The following POU2F1 variants were observed in gnomAD, a reference collection of about 807,000 sequenced individuals.
The protein encoded by POU2F1 is POU domain, class 2, transcription factor 1.
POU2F1 carries 16 observed loss-of-function variants against 84.9 expected under a neutral mutation model. The ratio of observed to expected loss-of-function variants is 0.19; its 90% confidence interval spans 0.13 to 0.29. POU2F1 has a LOEUF of 0.29. POU2F1 is among the 10% of genes least tolerant of loss of function. The probability of loss-of-function intolerance (pLI) is 1.00; values close to 1 mark genes in which losing one functional copy is unlikely to be tolerated. For synonymous variants in POU2F1, 368 were observed against 368.3 expected (o/e 1.00, Z 0.01); for missense variants, 738 against 942.6 (o/e 0.78, Z 2.84).
chr1:167,399,358 CT>C lies in POU2F1; in HGVS notation c.1444del (p.Ser482HisfsTer10). On this transcript the variant is annotated frameshift_variant, in exon 12 of 16. Transcript: ENST00000367866. LOFTEE classifies it high-confidence loss of function. ...SPIKAIFPSP[T>X]SLVATTPSLV... ...ATTAAAGCAATTTTCCCCAGCCCAACTTCACTGGTAAGAATAAAAAATAGGG... is the reference window on the plus strand; with the variant it reads ...ATTAAAGCAATTTTCCCCAGCCCAACTCACTGGTAAGAATAAAAAATAGGG... The C allele has an allele frequency of 1.2e-6, 2 of 1,611,656 alleles. No homozygotes were observed. Among genetic ancestry groups the C allele is most frequent in the Non-Finnish European group, 1.7e-6 (2 of 1,178,890 alleles).
intron 1 of POU2F1, among the ~76,000 whole-genome samples, chr1:167,289,329 T>C (rs1014939191): frequency 2.6e-5 from 4 of 152,350 alleles, no homozygotes; most frequent in East Asian, 1.9e-4. Context: ...ACATGACTTA[T>C]AAGGTGCCTG....
rs1169506816 is a variant in POU2F1 at position 167,221,068 on chromosome 1, C to CGGCGGGGAGATGGGGG, written c.61+112_61+127dup. On this transcript the variant is annotated intron_variant, in intron 1 of 15. Coordinates refer to ENST00000367866, the MANE Select transcript of POU2F1 (RefSeq NM_002697.4). ...TAGTACTCAGGATTATTATAATTAA[C>CGGCGGGGAGATGGGGG]GGCGGGGAGATGGGGGGCCGGGGAG... is the stretch of plus-strand genomic sequence containing the variant. 2.2e-3 allele frequency: 2,233 copies of CGGCGGGGAGATGGGGG among 999,616 alleles called. 68 individuals carry two copies. In the Admixed American group the frequency reaches 0.046, roughly 21 times the overall value. The allele number at this position is 999,616 out of a possible 1,614,324, so 61.9% of individuals were successfully genotyped here. A position where few individuals can be genotyped will look rare whatever the true frequency, so the allele number is the denominator to read the frequency against.
At chr1:167,344,169 A>G (rs1363602638) in intron 2 of POU2F1, among the ~76,000 whole-genome samples, 3 of 152,226 alleles carry the variant, frequency 2.0e-5, no homozygotes, top group Non-Finnish European at 4.4e-5. Flanking sequence ...AGTGACTACC[A>G]TATTGGCCAG....
At chr1:167,375,910 A>C (rs1324556494) in intron 6 of POU2F1, 119 bp from the exon 7 acceptor site, 4 of 1,240,346 alleles carry the variant, frequency 3.2e-6, no homozygotes, top group Non-Finnish European at 4.6e-6. Context: ...ATATGAAAGC[A>C]TGCGAAGTAT....
chr1:167,246,463 T>G (rs1049653179), intron 1 of POU2F1, among the ~76,000 whole-genome samples: 1 of 152,226 alleles, frequency 6.6e-6, no homozygotes, highest in African/African-American at 2.4e-5. Flanking sequence ...TACTTTTCTC[T>G]TTAGGTCTTT....
chr1:167,252,627 A>G (rs1161107852), intron 1 of POU2F1, among the ~76,000 whole-genome samples: 5 of 152,354 alleles, frequency 3.3e-5, no homozygotes, highest in Middle Eastern at 3.4e-3. Context: ...GAATAATTAT[A>G]TAGTTAAGGT....
chr1:167,225,739 G>C (rs1354061612), intron 1 of POU2F1, among the ~76,000 whole-genome samples: 1 of 152,024 alleles, frequency 6.6e-6, no homozygotes, highest in Non-Finnish European at 1.5e-5. Flanking sequence ...TTTTTAAGTT[G>C]GTCACTCATT....
rs1180601824 is a variant in POU2F1, at chr1:167,415,517, T to C, written c.2008T>C (p.Ser670Pro). The change falls in exon 16 of 16, where the codon TCT (serine) becomes CCT (proline). Residue 670 changes from serine to proline, a missense_variant. Around this residue, in one of 4 missense-constraint regions of POU2F1, gnomAD observed 319 missense variants for 386.0 expected, o/e 0.83. Coordinates refer to ENST00000367866, the MANE Select transcript of POU2F1 (RefSeq NM_002697.4). ...GTCTGTAGCTCTTGCTTCTGGTGGC[T>C]CTCTTCCAATAACATCACTTGATGC... is the stretch of plus-strand genomic sequence containing the variant. ...ATIQALASGGSLPITSLDATG... is the reference protein window; with the variant it reads ...ATIQALASGGPLPITSLDATG... 3.7e-6 allele frequency: 6 copies of C among 1,613,964 alleles called. No individual in the cohort carries two copies. Among genetic ancestry groups the C allele is most frequent in the Non-Finnish European group, 4.2e-6 (5 of 1,179,982 alleles).
intron 1 of POU2F1, among the ~76,000 whole-genome samples, chr1:167,252,354 C>A (rs974548979): frequency 6.6e-6 from 1 of 152,048 alleles, no homozygotes; most frequent in Non-Finnish European, 1.5e-5. Flanking sequence ...TATATTTGAC[C>A]AACAGTCCAG....
chr1:167,246,079 T>C (rs910377479), intron 1 of POU2F1, among the ~76,000 whole-genome samples: 2 of 152,234 alleles, frequency 1.3e-5, no homozygotes, highest in Non-Finnish European at 2.9e-5. Flanking sequence ...TATCTAAGAT[T>C]CATGTACAAA....
intron 13 of POU2F1, among the ~76,000 whole-genome samples, chr1:167,411,635 C>T (rs548406852): frequency 2.0e-5 from 3 of 152,066 alleles, no homozygotes; most frequent in African/African-American, 7.2e-5. Flanking sequence ...TCTTCTTTTG[C>T]TTTCTTTTTC....
chr1:167,336,570 T>C (rs866932437), intron 2 of POU2F1, among the ~76,000 whole-genome samples: 1 of 152,212 alleles, frequency 6.6e-6, no homozygotes, highest in African/African-American at 2.4e-5. Context: ...ATGTATACTA[T>C]AGATTGAGGT....
At chr1:167,337,150 C>T (rs952095389) in intron 2 of POU2F1, among the ~76,000 whole-genome samples, 2 of 142,784 alleles carry the variant, frequency 1.4e-5, no homozygotes, top group Admixed American at 7.1e-5. Flanking sequence ...GCAACAAGAG[C>T]GAAACTCCAT....
chr1:167,296,630 A>G (rs1654304003), intron 1 of POU2F1, among the ~76,000 whole-genome samples: 1 of 152,214 alleles, frequency 6.6e-6, no homozygotes, highest in Non-Finnish European at 1.5e-5. Context: ...TTCTTTTAAT[A>G]AAAATAAATT....
Position 167,412,217 on chromosome 1 carries a change from A to C in POU2F1, c.1814A>C (p.Gln605Pro), listed in dbSNP as rs1650017780. 5 of 1,609,866 alleles carry C rather than the reference A, an allele frequency of 3.1e-6. No individual in the cohort carries two copies. In the East Asian group the frequency reaches 1.1e-4, roughly 36 times the overall value. ...GCTGCTGCCCTTCAAGGAGCTGCACAGTTGCCAGCAAATGCCAGTCTTGCT... is the reference window on the plus strand; with the variant it reads ...GCTGCTGCCCTTCAAGGAGCTGCACCGTTGCCAGCAAATGCCAGTCTTGCT... Reference protein sequence around the residue: ...AAAAALQGAAQLPANASLAAM... With the variant: ...AAAAALQGAAPLPANASLAAM... Residue 605 changes from glutamine to proline, a missense_variant, in exon 14 of 16, where the codon CAG becomes CCG. Physicochemically the swap from Gln to Pro is moderately conservative, Grantham distance 76 (BLOSUM62 -1). Around this residue, in one of 4 missense-constraint regions of POU2F1, gnomAD observed 319 missense variants for 386.0 expected, o/e 0.83. Transcript: ENST00000367866.
intron 1 of POU2F1, among the ~76,000 whole-genome samples, chr1:167,331,737 A>G (rs1477265811): frequency 1.3e-5 from 2 of 152,114 alleles, no homozygotes; most frequent in Non-Finnish European, 2.9e-5. Flanking sequence ...CATTAAGTAG[A>G]TAACCCAGAA....
At chr1:167,226,063 A>AG (rs1648609019) in intron 1 of POU2F1, among the ~76,000 whole-genome samples, 1 of 152,226 alleles carries the variant, frequency 6.6e-6, no homozygotes, top group African/African-American at 2.4e-5. Context: ...ATTTGCGTTT[A>AG]GGGAACAGAC....
chr1:167,405,721 A>G (rs186989082), intron 13 of POU2F1, among the ~76,000 whole-genome samples: 46 of 152,242 alleles, frequency 3.0e-4, no homozygotes, highest in African/African-American at 1.1e-3. Context: ...AGGATATACA[A>G]CATTTGAGCA....
chr1:167,353,288 T>G (rs1658700661), intron 2 of POU2F1, among the ~76,000 whole-genome samples: 1 of 152,182 alleles, frequency 6.6e-6, no homozygotes, highest in South Asian at 2.1e-4. Flanking sequence ...AGCTGTCTGA[T>G]TTGAGCCTCA....
Sources: gnomAD v4.1 joint callset for allele counts (sites outside exome capture counted in the v4.1 genomes callset) on GRCh38, gnomAD v4.1.1 for gene constraint, gnomAD v4.1.1 regional missense constraint, MANE v1.5 for transcripts, NCBI Gene and HGNC (gene_info 2026-07-23, HGNC 2026-07-21) for gene names.